NECTIN1: variants seen among roughly 807,000 people sequenced by gnomAD.
NECTIN1 encodes the protein nectin-1.
A neutral mutation model predicts 48.0 loss-of-function variants in NECTIN1; 23 were observed. The ratio of observed to expected loss-of-function variants is 0.48; its 90% confidence interval spans 0.34 to 0.68. The LOEUF (loss-of-function observed/expected upper bound fraction) is 0.68. Ranked by LOEUF, NECTIN1 falls within the 30% of genes least tolerant of loss-of-function variation. NECTIN1 has a pLI of 0.01. For synonymous variants in NECTIN1, 270 were observed against 288.9 expected, an observed-to-expected ratio of 0.93 and a Z score of 0.66; for missense variants, 591 against 709.9, an observed-to-expected ratio of 0.83 and a Z score of 1.90.
At chr11:119,656,258 C>T (rs1351337741), downstream of NECTIN1, 1 of 152,228 alleles carries the variant, frequency 6.6e-6, no homozygotes, top group African/African-American at 2.4e-5. Context: ...GTTGAGCACC[C>T]ACTCTGTGCT....
chr11:119,668,502 T>C (rs1864813143), intron 5 of NECTIN1, among the ~76,000 whole-genome samples: 1 of 152,238 alleles, frequency 6.6e-6, no homozygotes, highest in Admixed American at 6.5e-5. Flanking sequence ...GTCCTTGTTA[T>C]CCAAGTTGAT....
chr11:119,718,407 C>G (rs1047571209), intron 1 of NECTIN1, among the ~76,000 whole-genome samples: 1 of 152,236 alleles, frequency 6.6e-6, no homozygotes, highest in African/African-American at 2.4e-5. Flanking sequence ...CCCAGGAGAT[C>G]AAAGCAGCCG....
In NECTIN1 at chr11:119,664,080, T is replaced by A. The variant is rs957323691; in HGVS notation, c.*667A>T. On this transcript the variant is annotated 3_prime_UTR_variant, in exon 6 of 6. Transcript: ENST00000264025. ...CGTCAGAGCTAGGCCAACTCCACTC[T>A]CTGTGGGCCAATGAGGAAAAAAAAT... The A allele has an allele frequency of 1.0e-6, 1 of 985,670 alleles. No homozygotes were observed. The highest frequency in any genetic ancestry group is 1.2e-6 in the Non-Finnish European group (1 of 830,148). 61.1% of individuals were successfully genotyped at this position (985,670 alleles called of 1,614,324 possible). A position where few individuals can be genotyped will look rare whatever the true frequency, so the allele number is the denominator to read the frequency against.
chr11:119,664,851 G>A lies in NECTIN1; in HGVS notation c.1450C>T (p.Arg484Trp), dbSNP rs914734911. The change falls in exon 6 of 6, where the codon CGG (arginine) becomes TGG (tryptophan). Residue 484 changes from arginine (R) to tryptophan (W), a missense_variant. Transcript: ENST00000264025. Reference protein sequence around the residue: ...AEARQDGYGDRTLGYQYDPEQ... With the variant: ...AEARQDGYGDWTLGYQYDPEQ... ...GGGTCGTACTGGTAGCCCAGAGTCC[G>A]GTCCCCGTAGCCGTCCTGACGGGCC... 4 of 1,613,810 alleles carry A rather than the reference G, an allele frequency of 2.5e-6. No homozygotes were observed. The highest frequency in any genetic ancestry group is 2.2e-5 in the South Asian group (2 of 91,026).
intron 1 of NECTIN1, among the ~76,000 whole-genome samples, chr11:119,704,670 T>A (rs913276974): frequency 7.9e-5 from 12 of 152,212 alleles, no homozygotes; most frequent in African/African-American, 2.9e-4. Context: ...GTTTTCTAAG[T>A]GTTGGCAGGG....
At chr11:119,647,158 CGCATGTGT>C (rs1864405711) in intron 5 of NECTIN1, among the ~76,000 whole-genome samples, 3 of 91,690 alleles carry the variant, frequency 3.3e-5, no homozygotes, top group African/African-American at 8.5e-5. Flanking sequence ...GAGCTTGCGG[CGCATGTGT>C]GTGTGTGTGT....
At chr11:119,647,357 T>C (rs891909474) in intron 5 of NECTIN1, among the ~76,000 whole-genome samples, 1 of 151,740 alleles carries the variant, frequency 6.6e-6, no homozygotes, top group African/African-American at 2.4e-5. Flanking sequence ...ACACCTTGAG[T>C]TGTCATTAGG....
At position 119,664,858 on chromosome 11, in the gene NECTIN1, G is replaced by A. The variant is rs561161704; in HGVS notation, c.1443C>T (p.Tyr481=). 9.9e-6 allele frequency: 16 copies of A among 1,613,950 alleles called. No homozygotes were observed. The highest frequency in any genetic ancestry group is 4.4e-5 in the South Asian group (4 of 91,052). ...ACTGGTAGCCCAGAGTCCGGTCCCC[G>A]TAGCCGTCCTGACGGGCCTCGGCCT... ...VDEAEARQDG[Y]GDRTLGYQYD... The change falls in exon 6 of 6, where the codon TAC becomes TAT. Residue 481 remains tyrosine, a synonymous_variant. Transcript: ENST00000264025.
At chr11:119,723,578 A>G (rs1380286368) in intron 1 of NECTIN1, among the ~76,000 whole-genome samples, 4 of 152,254 alleles carry the variant, frequency 2.6e-5, no homozygotes, top group Middle Eastern at 3.4e-3. Context: ...AGATTCTACA[A>G]TCTGCTGTCA....
intron 1 of NECTIN1, among the ~76,000 whole-genome samples, chr11:119,711,060 C>CAA (rs71470986): frequency 6.2e-5 from 8 of 129,390 alleles, no homozygotes; most frequent in East Asian, 4.3e-4. Context: ...ATAGGGTTGC[C>CAA]AAAAAAAAAA....
chr11:119,689,432 C>G (rs1284270042), intron 1 of NECTIN1, among the ~76,000 whole-genome samples: 1 of 152,216 alleles, frequency 6.6e-6, no homozygotes, highest in African/African-American at 2.4e-5. Context: ...GCACTTCCAT[C>G]CATGCCCCAG....
At chr11:119,638,744 G>A (rs747412536) in exon 7 of NECTIN1, 3 of 1,613,890 alleles carry the variant, frequency 1.9e-6, no homozygotes, top group Non-Finnish European at 2.5e-6. Flanking sequence ...GATATCCTCA[G>A]GCACAAGGGA....
intron 1 of NECTIN1, among the ~76,000 whole-genome samples, chr11:119,686,924 A>T (rs1865168295): frequency 2.0e-5 from 3 of 152,136 alleles, no homozygotes; most frequent in Admixed American, 2.0e-4. Context: ...TGGGAAACAC[A>T]GGGGGCCCAA....
intron 5 of NECTIN1, among the ~76,000 whole-genome samples, chr11:119,645,671 T>C (rs945636432): frequency 6.6e-6 from 1 of 152,150 alleles, no homozygotes; most frequent in Non-Finnish European, 1.5e-5. Context: ...TCTGTCTCCG[T>C]CTCAACATCT....
At chr11:119,705,580 T>C (rs1393035827) in intron 1 of NECTIN1, among the ~76,000 whole-genome samples, 1 of 152,162 alleles carries the variant, frequency 6.6e-6, no homozygotes, top group African/African-American at 2.4e-5. Context: ...GTCTGGTAAC[T>C]GTGGCCGGTG....
chr11:119,720,338 AC>A (rs1196938923), intron 1 of NECTIN1, among the ~76,000 whole-genome samples: 1 of 152,246 alleles, frequency 6.6e-6, no homozygotes, highest in Admixed American at 6.5e-5. Flanking sequence ...CGGGGCATGT[AC>A]CCCAGACCAG....
downstream of NECTIN1, among the ~76,000 whole-genome samples, chr11:119,660,637 C>T (rs1864646455): frequency 6.6e-6 from 1 of 152,086 alleles, no homozygotes; most frequent in South Asian, 2.1e-4. Flanking sequence ...GCAGGAGGCA[C>T]CCGTACCCCT....
chr11:119,659,544 G>A (rs1864626566), downstream of NECTIN1, among the ~76,000 whole-genome samples: 2 of 152,212 alleles, frequency 1.3e-5, no homozygotes. Context: ...CCACAGCCTG[G>A]CAGATAGTTC....
At chr11:119,700,028 A>C (rs1277700869) in intron 1 of NECTIN1, among the ~76,000 whole-genome samples, 3 of 152,210 alleles carry the variant, frequency 2.0e-5, no homozygotes, top group Non-Finnish European at 2.9e-5. Context: ...TGGAGCCGGA[A>C]CTGTGTTACT....
Sources: gnomAD v4.1 joint callset for allele counts (sites outside exome capture counted in the v4.1 genomes callset) on GRCh38, gnomAD v4.1.1 for gene constraint, MANE v1.5 for transcripts, NCBI Gene and HGNC (gene_info 2026-07-23, HGNC 2026-07-21) for gene names.